The following EFCAB8 variants were observed in gnomAD, a reference collection of about 807,000 sequenced individuals.
The protein encoded by EFCAB8 is EF-hand calcium binding domain 8.
A neutral mutation model predicts 116.3 loss-of-function variants in EFCAB8; 100 were observed. That is an observed-to-expected ratio of 0.86 (90% CI 0.73 to 1.02). EFCAB8 has a LOEUF of 1.02. Ranked by LOEUF, EFCAB8 falls within the 50% of genes least tolerant of loss-of-function variation. EFCAB8 has a pLI of 0.00. For missense variants in EFCAB8, 1,320 were observed against 1,416.9 expected (o/e 0.93, Z 1.10); for synonymous variants, 558 against 567.9 (o/e 0.98, Z 0.25).
chr20:32,889,184 G>T, intron 6 of EFCAB8, 117 bp from the exon 7 acceptor site: 1 of 805,390 alleles, frequency 1.2e-6, no homozygotes, highest in South Asian at 1.7e-5. Flanking sequence ...GGTAGTGCTA[G>T]GCTCCATGCC....
chr20:32,934,681 C>T (rs1024922436), intron 22 of EFCAB8, among the ~76,000 whole-genome samples: 1 of 152,214 alleles, frequency 6.6e-6, no homozygotes, highest in Non-Finnish European at 1.5e-5. Context: ...TCCCACCATT[C>T]TAATGATAGT....
At chr20:32,878,653 T>A (rs1466959177) in intron 4 of EFCAB8, 51 bp from the exon 5 acceptor site, 1 of 1,443,192 alleles carries the variant, frequency 6.9e-7, no homozygotes. Context: ...AACTGAAGGC[T>A]GAGACCATTT....
At chr20:32,896,427 G>A (rs1387731249) in intron 9 of EFCAB8, 27 bp from the exon 10 acceptor site, 1 of 718,188 alleles carries the variant, frequency 1.4e-6, no homozygotes, top group African/African-American at 1.7e-5. Flanking sequence ...AGCTGCTGAT[G>A]TGGACCTTGG....
chr20:32,870,019 A>T (rs1984609649), intron 3 of EFCAB8, among the ~76,000 whole-genome samples: 1 of 152,170 alleles, frequency 6.6e-6, no homozygotes. Flanking sequence ...AAATAATAGG[A>T]ATACTTAAAG....
In EFCAB8 at chr20:32,893,184, C is replaced by A; in HGVS notation, c.769C>A (p.His257Asn). The change falls in exon 9 of 27, where the codon CAC (histidine) becomes AAC (asparagine). Residue 257 changes from histidine to asparagine, a missense_variant. His to Asn is a moderately conservative substitution (Grantham distance 68, BLOSUM62 1). Transcript: ENST00000400522. ...ALVMDYWSDYHRGVFCYGDAK... is the reference protein window; with the variant it reads ...ALVMDYWSDYNRGVFCYGDAK... ...TCCATCTTTCTGCAGGTCTGACTATCACAGAGGTGTGTTCTGCTATGGAGA... is the reference window on the plus strand; with the variant it reads ...TCCATCTTTCTGCAGGTCTGACTATAACAGAGGTGTGTTCTGCTATGGAGA... The A allele has an allele frequency of 6.4e-7, 1 of 1,551,908 alleles. No individual in the cohort carries two copies. Among genetic ancestry groups the A allele is most frequent in the Non-Finnish European group, 8.7e-7 (1 of 1,147,010 alleles).
intron 20 of EFCAB8, among the ~76,000 whole-genome samples, chr20:32,929,758 C>G (rs1987822393): frequency 6.6e-6 from 1 of 152,070 alleles, no homozygotes; most frequent in Non-Finnish European, 1.5e-5. Context: ...GCCTGATTTG[C>G]TCTACCACCC....
intron 22 of EFCAB8, among the ~76,000 whole-genome samples, chr20:32,940,003 G>C (rs78461167): frequency 0.23 from 13,240 of 57,320 alleles, 2,592 homozygotes; most frequent in Middle Eastern, 0.42. Context: ...CTGCCTGCCT[G>C]CCTCCCTCCC....
Position 32,898,533 on chromosome 20 carries a change from C to G in EFCAB8, c.998C>G (p.Pro333Arg). 1.4e-6 allele frequency: 1 copy of G among 718,590 alleles called. No homozygotes were observed. The highest frequency in any genetic ancestry group is 2.6e-6 in the Non-Finnish European group (1 of 385,094). The allele number at this position is 718,590 out of a possible 1,614,324, so 44.5% of individuals were successfully genotyped here. ...PNWCEQVKFI[P>R]QMNVVVSCSA... ...TGGTGTGAGCAGGTCAAGTTCATCC[C>G]CCAGATGAATGTGGTAGTCTCCTGT... Residue 333 changes from proline (P) to arginine (R), a missense_variant, in exon 11 of 27, where the codon CCC becomes CGC. By Grantham distance (103) the Pro-to-Arg change is moderately radical. Transcript: ENST00000400522.
intron 2 of EFCAB8, among the ~76,000 whole-genome samples, chr20:32,865,088 C>T (rs182957893): frequency 1.3e-5 from 2 of 152,268 alleles, no homozygotes; most frequent in East Asian, 1.9e-4. Flanking sequence ...GCTCTGCAGC[C>T]GTGTGCTTCC....
intron 9 of EFCAB8, 49 bp downstream of exon 9, chr20:32,893,347 T>C (rs1242017389): frequency 6.5e-7 from 1 of 1,549,960 alleles, no homozygotes; most frequent in Non-Finnish European, 8.7e-7. Flanking sequence ...ATGGCCTAGA[T>C]GTGGGTGCTG....
In EFCAB8 at chr20:32,909,889, C is replaced by T. The variant is rs1986838352; in HGVS notation, c.1515C>T (p.Cys505=). 1 of 1,249,768 alleles carries T rather than the reference C, an allele frequency of 8.0e-7. No individual in the cohort carries two copies. Among genetic ancestry groups the T allele is most frequent in the African/African-American group, 1.6e-5 (1 of 64,468 alleles). The allele number at this position is 1,249,768 out of a possible 1,614,324, so 77.4% of individuals were successfully genotyped here. The change falls in exon 15 of 27, where the codon TGC becomes TGT. Residue 505 remains cysteine, a synonymous_variant. Transcript: ENST00000400522. The part of the protein sequence containing the change: ...LIKARKRTTH[C]SPLCAVLYSK... ...AAGCAAGGAAGAGGACCACTCATTG[C>T]TCACCCCTGTGTGCTGTCCTCTACA...
At chr20:32,956,225 TTA>T (rs1459556514) in intron 23 of EFCAB8, among the ~76,000 whole-genome samples, 2 of 152,104 alleles carry the variant, frequency 1.3e-5, no homozygotes, top group African/African-American at 2.4e-5. Context: ...CCTCCCATGT[TTA>T]TGTTATTATT....
Position 32,893,291 on chromosome 20 carries a change from C to T in EFCAB8, c.876C>T (p.Ser292=). 6.4e-7 allele frequency: 1 copy of T among 1,551,794 alleles called. No individual in the cohort carries two copies. Among genetic ancestry groups the T allele is most frequent in the Non-Finnish European group, 8.7e-7 (1 of 1,146,998 alleles). ...ACCCCCGTATCCTCCCCAGGGCCTCCAAGTGGGGTAGCTAAGATGCTGGGG... is the reference window on the plus strand; with the variant it reads ...ACCCCCGTATCCTCCCCAGGGCCTCTAAGTGGGGTAGCTAAGATGCTGGGG... ...LFNPRILPRA[S]KWDHWIKVSL... Residue 292 remains serine (S), a synonymous_variant, in exon 9 of 27, where the codon TCC becomes TCT. Coordinates refer to ENST00000400522, the MANE Select transcript of EFCAB8 (RefSeq NM_001143967.2).
chr20:32,941,279 A>G (rs1988402020), intron 22 of EFCAB8, among the ~76,000 whole-genome samples: 1 of 149,126 alleles, frequency 6.7e-6, no homozygotes, highest in South Asian at 2.1e-4. Flanking sequence ...AAAGAAAAAG[A>G]ACATAGAAAG....
chr20:32,866,271 A>G (rs563712850), intron 2 of EFCAB8, among the ~76,000 whole-genome samples: 60 of 152,278 alleles, frequency 3.9e-4, no homozygotes, highest in South Asian at 2.1e-4. Context: ...AGAGTGAGCA[A>G]TTTAATCCCT....
intron 10 of EFCAB8, among the ~76,000 whole-genome samples, chr20:32,896,936 G>T (rs1046867260): frequency 1.1e-4 from 16 of 152,138 alleles, no homozygotes; most frequent in African/African-American, 3.9e-4. Context: ...TACCATGGCC[G>T]TCAGGACGTG....
chr20:32,900,533 G>A (rs1986374305), intron 11 of EFCAB8, among the ~76,000 whole-genome samples: 1 of 150,336 alleles, frequency 6.7e-6, no homozygotes, highest in South Asian at 2.1e-4. Flanking sequence ...GCTAATTTTT[G>A]TATTTTTATT....
chr20:32,915,719 T>C (rs1987156937), intron 17 of EFCAB8, among the ~76,000 whole-genome samples: 1 of 151,814 alleles, frequency 6.6e-6, no homozygotes, highest in Non-Finnish European at 1.5e-5. Context: ...TGGCCCAGGC[T>C]GGAGTGCAGT....
At chr20:32,904,621 T>G (rs1943528373) in intron 11 of EFCAB8, among the ~76,000 whole-genome samples, 1 of 149,810 alleles carries the variant, frequency 6.7e-6, no homozygotes, top group Non-Finnish European at 1.5e-5. Flanking sequence ...TTTTTTTTTT[T>G]TTTAAGGCGG....
Sources: allele counts gnomAD v4.1 joint callset (sites outside exome capture counted in the v4.1 genomes callset), GRCh38; gene constraint gnomAD v4.1.1; transcripts MANE v1.5; gene names NCBI Gene and HGNC (gene_info 2026-07-23, HGNC 2026-07-21).